MTHFD1: variants seen among roughly 807,000 people sequenced by gnomAD.
MTHFD1 encodes the protein methylenetetrahydrofolate dehydrogenase, cyclohydrolase and formyltetrahydrofolate synthetase 1.
In MTHFD1, 44 loss-of-function variants were observed where a neutral mutation model predicts 110.3. The observed-to-expected ratio is 0.40, with a 90% CI of 0.31 to 0.51. MTHFD1 has a LOEUF of 0.51. Ranked by LOEUF, MTHFD1 falls within the 20% of genes least tolerant of loss-of-function variation. MTHFD1 has a pLI of 0.60. For missense variants in MTHFD1, 909 were observed against 1,173.1 expected (o/e 0.77, Z 3.29); for synonymous variants, 402 against 428.8 (o/e 0.94, Z 0.77).
intron 7 of MTHFD1, among the ~76,000 whole-genome samples, chr14:64,419,003 T>G (rs1411177047): frequency 6.6e-6 from 1 of 152,122 alleles, no homozygotes; most frequent in Admixed American, 6.6e-5. Context: ...ACTACAGGCA[T>G]GTGCCACCAT....
intron 17 of MTHFD1, chr14:64,439,382 G>A (rs528857409): frequency 2.4e-5 from 14 of 588,482 alleles, no homozygotes; most frequent in Admixed American, 1.1e-4. Flanking sequence ...TTTTTCCCCC[G>A]GCATTTTTTC....
Position 64,440,233 on chromosome 14 carries a change from TAAGA to T in MTHFD1, c.1786_1789del (p.Lys596GlufsTer11). 1 of 1,614,102 alleles carries T rather than the reference TAAGA, an allele frequency of 6.2e-7. No homozygotes were observed. Among genetic ancestry groups the T allele is most frequent in the Non-Finnish European group, 8.5e-7 (1 of 1,180,018 alleles). On this transcript the variant is annotated frameshift_variant, in exon 18 of 28. Transcript: ENST00000652337. LOFTEE classifies it high-confidence loss of function. ...TGGGCAAAATGGTGGTGGCATCCAG[TAAGA>T]AAGGAGAGCCCGTCAGTGCCGAAGA...
At chr14:64,434,404 G>A (rs540726268) in intron 15 of MTHFD1, among the ~76,000 whole-genome samples, 2 of 151,982 alleles carry the variant, frequency 1.3e-5, no homozygotes, top group African/African-American at 2.4e-5. Context: ...ATTTAAAAAC[G>A]AGCCAGGTGT....
intron 1 of MTHFD1, among the ~76,000 whole-genome samples, chr14:64,391,974 G>A (rs1252988085): frequency 6.6e-6 from 1 of 152,002 alleles, no homozygotes; most frequent in Non-Finnish European, 1.5e-5. Context: ...TGAGCTGGTG[G>A]GAAGCACAAA....
At chr14:64,454,546 CT>C (rs59626407) in intron 25 of MTHFD1, among the ~76,000 whole-genome samples, 176 bp from the exon 26 acceptor site, 526 of 133,200 alleles carry the variant, frequency 3.9e-3, no homozygotes, top group Middle Eastern at 4.2e-3. Flanking sequence ...CCCAACAGTT[CT>C]TTTTTTTTTT....
chr14:64,446,878 C>G (rs1004710434), intron 22 of MTHFD1, among the ~76,000 whole-genome samples: 1 of 152,054 alleles, frequency 6.6e-6, no homozygotes, highest in African/African-American at 2.4e-5. Flanking sequence ...GGGTCTCACT[C>G]TGTCACCTAG....
rs74058127 is a variant in MTHFD1, at chr14:64,459,683, G to C, written c.*5-76G>C. ...AGCTTTGGCAATGTGAGTGGGTAATGGTGCAGTATGGAAGGAACAGGAAAC... is the reference window on the plus strand; with the variant it reads ...AGCTTTGGCAATGTGAGTGGGTAATCGTGCAGTATGGAAGGAACAGGAAAC... On this transcript the variant is annotated intron_variant, in intron 27 of 27. Coordinates refer to ENST00000652337, the MANE Select transcript of MTHFD1 (RefSeq NM_005956.4). 11,338 of 1,251,486 alleles carry C rather than the reference G, an allele frequency of 9.1e-3. 770 individuals carry two copies. The African/African-American group carries it at 0.15, about 17-fold the overall frequency. 77.5% of individuals were successfully genotyped at this position (1,251,486 alleles called of 1,614,324 possible).
At position 64,442,309 on chromosome 14, in the gene MTHFD1, T is replaced by G; in HGVS notation, c.2043T>G (p.Phe681Leu). 1 of 1,614,250 alleles carries G rather than the reference T, an allele frequency of 6.2e-7. No homozygotes were observed. Among genetic ancestry groups the G allele is most frequent in the Non-Finnish European group, 8.5e-7 (1 of 1,180,042 alleles). ...FGADIGMEKFFNIKCRYSGLC... is the reference protein window; with the variant it reads ...FGADIGMEKFLNIKCRYSGLC... ...CAGACATTGGAATGGAAAAGTTTTT[T>G]AACATCAAATGCCGGTATTCCGGCC... Residue 681 changes from phenylalanine (F) to leucine (L), a missense_variant, in exon 21 of 28, where the codon TTT becomes TTG. Physicochemically the swap from Phe to Leu is conservative, Grantham distance 22 (BLOSUM62 0). Transcript: ENST00000652337.
At position 64,442,242 on chromosome 14, in the gene MTHFD1, C is replaced by T. The variant is rs767240545; in HGVS notation, c.1997-21C>T. 4 of 1,614,206 alleles carry T rather than the reference C, an allele frequency of 2.5e-6. No homozygotes were observed. In the South Asian group the frequency reaches 3.3e-5, roughly 13 times the overall value. ...CAGGGGAATTGGGATGGCATTTTTA[C>T]TGTTGCTTTCCTCTTTACAGTGACG... On this transcript the variant is annotated intron_variant, in intron 20 of 27. Coordinates refer to ENST00000652337, the MANE Select transcript of MTHFD1 (RefSeq NM_005956.4).
At chr14:64,434,103 G>A in intron 15 of MTHFD1, among the ~76,000 whole-genome samples, 1 of 152,164 alleles carries the variant, frequency 6.6e-6, no homozygotes, top group East Asian at 1.9e-4. Context: ...TAGGCTTAGG[G>A]AAATCTTCTG....
At chr14:64,400,991 C>T (rs954972033) in intron 2 of MTHFD1, 114 bp downstream of exon 2, 1 of 772,976 alleles carries the variant, frequency 1.3e-6, no homozygotes, top group Non-Finnish European at 2.2e-6. Context: ...AATCTCATGC[C>T]TTTTCAGTCT....
chr14:64,449,009 C>T (rs973730177), intron 23 of MTHFD1: 10 of 293,362 alleles, frequency 3.4e-5, no homozygotes, highest in Admixed American at 1.3e-4. Context: ...CCGTGTTAGC[C>T]AGGATGGTCT....
chr14:64,401,682 G>A (rs1287346957), intron 2 of MTHFD1, among the ~76,000 whole-genome samples: 3 of 135,280 alleles, frequency 2.2e-5, no homozygotes, highest in African/African-American at 8.5e-5. Context: ...CAGCCTGGGC[G>A]ACAGAGAGAT....
chr14:64,442,539 G>A, intron 21 of MTHFD1, 137 bp downstream of exon 21: 1 of 921,214 alleles, frequency 1.1e-6, no homozygotes, highest in Non-Finnish European at 1.7e-6. Context: ...GGGACGGGCA[G>A]ACAGCCCTTG....
At chr14:64,451,113 G>A (rs1392915134) in intron 24 of MTHFD1, among the ~76,000 whole-genome samples, 1 of 152,116 alleles carries the variant, frequency 6.6e-6, no homozygotes, top group Non-Finnish European at 1.5e-5. Flanking sequence ...ACGTTGCAAT[G>A]AGCTGAGATC....
At chr14:64,395,641 T>C (rs2077842135) in intron 1 of MTHFD1, among the ~76,000 whole-genome samples, 1 of 152,186 alleles carries the variant, frequency 6.6e-6, no homozygotes. Context: ...GGGGCAGTTT[T>C]TTCCTCCCTC....
intron 22 of MTHFD1, chr14:64,444,970 G>A: frequency 3.7e-6 from 2 of 544,150 alleles, no homozygotes; most frequent in Non-Finnish European, 6.7e-6. Flanking sequence ...TAGACCAGTG[G>A]TTGATTCTCA....
intron 1 of MTHFD1, among the ~76,000 whole-genome samples, chr14:64,393,657 G>T (rs1596528621): frequency 6.6e-6 from 1 of 152,176 alleles, no homozygotes; most frequent in African/African-American, 2.4e-5. Context: ...TTGGGGATGT[G>T]GTTTGCAAAT....
intron 19 of MTHFD1, chr14:64,441,851 C>G: frequency 1.5e-6 from 1 of 648,638 alleles, no homozygotes; most frequent in Non-Finnish European, 2.8e-6. Flanking sequence ...TAGTCAAGAC[C>G]TTCTCCACTT....
Sources: allele counts gnomAD v4.1 joint callset (sites outside exome capture counted in the v4.1 genomes callset), GRCh38; gene constraint gnomAD v4.1.1; transcripts MANE v1.5; gene names NCBI Gene and HGNC (gene_info 2026-07-23, HGNC 2026-07-21).